SIRT7: variants seen among roughly 807,000 people sequenced by gnomAD.
SIRT7 encodes the protein NAD-dependent protein deacetylase sirtuin-7.
SIRT7 carries 32 observed loss-of-function variants against 42.8 expected under a neutral mutation model. The observed-to-expected ratio is 0.75, with a 90% CI of 0.56 to 1.00. The LOEUF (loss-of-function observed/expected upper bound fraction) is 1.00, where lower values mean the gene tolerates loss of function less well. Ranked by LOEUF, SIRT7 falls within the 50% of genes least tolerant of loss-of-function variation. The pLI, the probability that SIRT7 is intolerant of heterozygous loss-of-function variation, is 0.00. For missense variants in SIRT7, 553 were observed against 572.2 expected, an observed-to-expected ratio of 0.97 and a Z score of 0.34; for synonymous variants, 297 against 245.2, an observed-to-expected ratio of 1.21 and a Z score of -1.97.
Position 81,912,248 on chromosome 17 carries a change from C to CA in SIRT7, c.*167dup, listed in dbSNP as rs2040679848. On this transcript the variant is annotated 3_prime_UTR_variant, in exon 10 of 10. Coordinates refer to ENST00000328666, the MANE Select transcript of SIRT7 (RefSeq NM_016538.3). ...TCGATGGCCAGGCCGTATCAGGGTA[C>CA]AACCGCAGCAGTGCAAGGGGCTTCC... The CA allele has an allele frequency of 2.5e-6, 2 of 811,438 alleles. No individual in the cohort carries two copies. Among genetic ancestry groups the CA allele is most frequent in the Non-Finnish European group, 4.0e-6 (2 of 503,778 alleles). The allele number at this position is 811,438 out of a possible 1,614,324, so 50.3% of individuals were successfully genotyped here. A position where few individuals can be genotyped will look rare whatever the true frequency, so the allele number is the denominator to read the frequency against.
In SIRT7 at chr17:81,913,595, C is replaced by T. The variant is rs866281189; in HGVS notation, c.1004+179G>A. ...CATCAGCCAGGGCAGGAGTGGCACA[C>T]GCAGGGTCTCCGCCAACCACCGAGG... is the stretch of plus-strand genomic sequence containing the variant. On this transcript the variant is annotated intron_variant, in intron 9 of 9. Transcript: ENST00000328666. This position sits in a 1 kb window ranked among gnomAD's most constrained non-coding sequence, Gnocchi z 5.0. 1.3e-5 allele frequency: 8 copies of T among 604,552 alleles called. No homozygotes were observed. The highest frequency in any genetic ancestry group is 3.8e-5 in the South Asian group (2 of 52,268). 37.4% of individuals were successfully genotyped at this position (604,552 alleles called of 1,614,324 possible).
intron 3 of SIRT7, chr17:81,916,500 T>C (rs2040801938): frequency 6.8e-6 from 1 of 146,588 alleles, no homozygotes. Context: ...GGAGTTTAGC[T>C]CTTTCGCCCA....
chr17:81,912,269 C>A lies in SIRT7; in HGVS notation c.*147G>T, dbSNP rs2040680726. ...GGTACAACCGCAGCAGTGCAAGGGG[C>A]TTCCTCAAGGACAAATGGCTAAAAA... On this transcript the variant is annotated 3_prime_UTR_variant, in exon 10 of 10. Transcript: ENST00000328666. The A allele has an allele frequency of 3.0e-6, 3 of 1,014,176 alleles. No individual in the cohort carries two copies. Among genetic ancestry groups the A allele is most frequent in the Non-Finnish European group, 4.5e-6 (3 of 667,378 alleles). The allele number at this position is 1,014,176 out of a possible 1,614,324, so 62.8% of individuals were successfully genotyped here.
At chr17:81,915,372 T>C in intron 5 of SIRT7, 68 bp downstream of exon 5, 3 of 1,537,316 alleles carry the variant, frequency 2.0e-6, no homozygotes, top group Non-Finnish European at 2.7e-6. Context: ...GTGCAGTTAG[T>C]TGCCCACTGG....
chr17:81,914,051 C>G (rs1217190230), intron 8 of SIRT7, 36 bp downstream of exon 8: 1 of 1,611,252 alleles, frequency 6.2e-7, no homozygotes, highest in Non-Finnish European at 8.5e-7. Context: ...TTCTAAGACC[C>G]AGATCTAAGG....
At chr17:81,914,786 C>G in intron 5 of SIRT7, 84 bp from the exon 6 acceptor site, 1 of 1,135,360 alleles carries the variant, frequency 8.8e-7, no homozygotes, top group Admixed American at 1.8e-5. Flanking sequence ...CGAGGCTGTT[C>G]TGAGCCCCGC....
rs193212813 is a variant in SIRT7 at position 81,914,111 on chromosome 17, C to A, written c.873G>T (p.Pro291=). 1 of 1,613,534 alleles carries A rather than the reference C, an allele frequency of 6.2e-7. No homozygotes were observed. Among genetic ancestry groups the A allele is most frequent in the Non-Finnish European group, 8.5e-7 (1 of 1,180,018 alleles). The change falls in exon 8 of 10, where the codon CCG becomes CCT. Residue 291 remains proline (P), a synonymous_variant. Transcript: ENST00000328666. ...CCTGCAGGTTCACGATGTAAAGCTT[C>A]GGCCGCCGGCTAGGGGGCTTGGTCA... The part of the protein sequence containing the change: ...WCMTKPPSRR[P]KLYIVNLQWT...
At chr17:81,912,684 G>C (rs1318227456) in intron 9 of SIRT7, 70 bp from the exon 10 acceptor site, 15 of 1,514,886 alleles carry the variant, frequency 9.9e-6, no homozygotes, top group Non-Finnish European at 1.3e-5. Context: ...CCCAGCTCGG[G>C]AAAGCTGTCT....
rs1318276464 is a variant in SIRT7, at chr17:81,913,928, CCGG to C, written c.898-51_898-49del. ...GAGAGTAACAGCAGCCCAACCCTTC[CCGG>C]TGGCCTGTCAGCCTTGGCCCCTACG... On this transcript the variant is annotated intron_variant, in intron 8 of 9. Transcript: ENST00000328666. The surrounding 1 kb of genome is among the most constrained non-coding windows in gnomAD (Gnocchi z 5.0). 6.5e-7 allele frequency: 1 copy of C among 1,544,646 alleles called. No homozygotes were observed. The highest frequency in any genetic ancestry group is 8.8e-7 in the Non-Finnish European group (1 of 1,140,334).
chr17:81,912,438 G>A lies in SIRT7; in HGVS notation c.1181C>T (p.Thr394Ile). Residue 394 changes from threonine to isoleucine, a missense_variant, in exon 10 of 10, where the codon ACA (threonine) becomes ATA (isoleucine). Thr to Ile is a moderately conservative substitution (Grantham distance 89, BLOSUM62 -1). Transcript: ENST00000328666. ...GWFGRGCTKR[T>I]KRKKVT ...TGATTACGTCACTTTCTTCCTTTTTGTGCGTTTTGTGCAGCCCCTGCCAAA... is the reference window on the plus strand; with the variant it reads ...TGATTACGTCACTTTCTTCCTTTTTATGCGTTTTGTGCAGCCCCTGCCAAA... 6.2e-7 allele frequency: 1 copy of A among 1,614,058 alleles called. No homozygotes were observed. The highest frequency in any genetic ancestry group is 8.5e-7 in the Non-Finnish European group (1 of 1,180,014).
In SIRT7 at chr17:81,915,695, A is replaced by C; in HGVS notation, c.337-14T>G. On this transcript the variant is annotated splice_polypyrimidine_tract_variant and intron_variant, in intron 3 of 9. Transcript: ENST00000328666. Reference sequence around the variant, plus strand: ...GATAGACGCTGCCTGCATGTCGAGAAAAAAGGTAAGCCAAGTCAAAAGGCA... The same window carrying C: ...GATAGACGCTGCCTGCATGTCGAGACAAAAGGTAAGCCAAGTCAAAAGGCA... 6.2e-7 allele frequency: 1 copy of C among 1,613,372 alleles called. No homozygotes were observed. The highest frequency in any genetic ancestry group is 1.1e-5 in the South Asian group (1 of 90,970).
In SIRT7 at chr17:81,912,333, C is replaced by T; in HGVS notation, c.*83G>A. ...ATGTCATCCCCAAAGAGTTCGTTCT[C>T]CCTAGACCCGTGGGGGCAACCCAGC... On this transcript the variant is annotated 3_prime_UTR_variant, in exon 10 of 10. Coordinates refer to ENST00000328666, the MANE Select transcript of SIRT7 (RefSeq NM_016538.3). 1 of 1,542,672 alleles carries T rather than the reference C, an allele frequency of 6.5e-7. No individual in the cohort carries two copies. The highest frequency in any genetic ancestry group is 9.0e-7 in the Non-Finnish European group (1 of 1,116,138).
In SIRT7 at chr17:81,913,872, C is replaced by T. The variant is rs150613745; in HGVS notation, c.906G>A (p.Pro302=). Residue 302 remains proline (P), a synonymous_variant, in exon 9 of 10, where the codon CCG becomes CCA. Transcript: ENST00000328666. The surrounding 1 kb of genome is among the most constrained non-coding windows in gnomAD (Gnocchi z 5.0). ...GCTTCAGGGCAGCCCAGTCATCCTT[C>T]GGGGTCCACTGAGGACAGGGAAAGC... ...KLYIVNLQWT[P]KDDWAALKLH... 75 of 1,551,378 alleles carry T rather than the reference C, an allele frequency of 4.8e-5. No homozygotes were observed. In the East Asian group the frequency reaches 6.6e-4, roughly 14 times the overall value.
intron 9 of SIRT7, 159 bp from the exon 10 acceptor site, chr17:81,912,773 C>A: frequency 1.3e-6 from 1 of 768,868 alleles, no homozygotes. Context: ...TCATTGTTAC[C>A]AAGCTGCAGA....
In SIRT7 at chr17:81,913,933, G is replaced by A; in HGVS notation, c.898-53C>T. The A allele has an allele frequency of 6.5e-7, 1 of 1,543,702 alleles. No homozygotes were observed. The highest frequency in any genetic ancestry group is 8.8e-7 in the Non-Finnish European group (1 of 1,138,694). On this transcript the variant is annotated intron_variant, in intron 8 of 9. Transcript: ENST00000328666. The surrounding 1 kb of genome is among the most constrained non-coding windows in gnomAD (Gnocchi z 5.0). Reference sequence around the variant, plus strand: ...TAACAGCAGCCCAACCCTTCCCGGTGGCCTGTCAGCCTTGGCCCCTACGGG... The same window carrying A: ...TAACAGCAGCCCAACCCTTCCCGGTAGCCTGTCAGCCTTGGCCCCTACGGG...
chr17:81,915,587 G>T (rs138617548), intron 4 of SIRT7, 24 bp downstream of exon 4: 255 of 1,613,510 alleles, frequency 1.6e-4, no homozygotes, highest in Non-Finnish European at 2.1e-4. Flanking sequence ...AGCCTATGTG[G>T]GAGGCCATGC....
chr17:81,914,780 G>A, intron 5 of SIRT7, 78 bp from the exon 6 acceptor site: 1 of 1,200,272 alleles, frequency 8.3e-7, no homozygotes, highest in Non-Finnish European at 1.2e-6. Flanking sequence ...CCACAGCGAG[G>A]CTGTTCTGAG....
At chr17:81,915,907 T>C in intron 3 of SIRT7, 2 of 560,748 alleles carry the variant, frequency 3.6e-6, no homozygotes, top group Non-Finnish European at 6.5e-6. Flanking sequence ...GCCTGGCTCA[T>C]CCTTCCAGGC....
chr17:81,915,749 A>C (rs2040784943), intron 3 of SIRT7, 68 bp from the exon 4 acceptor site: 4 of 1,552,320 alleles, frequency 2.6e-6, no homozygotes, highest in Non-Finnish European at 3.5e-6. Context: ...GAATTCCCAG[A>C]AACGGAAAGC....
Sources: allele counts gnomAD v4.1 joint callset, GRCh38; gene constraint gnomAD v4.1.1; non-coding constraint Gnocchi (gnomAD v3.1); transcripts MANE v1.5; gene names NCBI Gene and HGNC (gene_info 2026-07-23, HGNC 2026-07-21).